Variants in KMT2C observed in about 807,000 individuals in gnomAD.
KMT2C encodes histone-lysine N-methyltransferase 2C.
KMT2C carries 88 observed loss-of-function variants against 507.9 expected under a neutral mutation model. The observed-to-expected ratio is 0.17, with a 90% CI of 0.15 to 0.21. KMT2C has a LOEUF of 0.21. Among genes scored for constraint, KMT2C ranks in the 10% least tolerant of loss-of-function variants. The pLI, the probability that KMT2C is intolerant of heterozygous loss-of-function variation, is 1.00. For missense variants in KMT2C, 4,954 were observed against 5,957.8 expected (o/e 0.83, Z 5.55); for synonymous variants, 2,049 against 2,080.8 (o/e 0.98, Z 0.42).
chr7:152,396,102 A>G (rs1004251470), intron 1 of KMT2C, among the ~76,000 whole-genome samples: 2 of 152,190 alleles, frequency 1.3e-5, no homozygotes, highest in African/African-American at 4.8e-5. Context: ...TGGGATTTGA[A>G]CATAGGCAGT....
At chr7:152,206,891 C>T (rs1206097002) in intron 24 of KMT2C, among the ~76,000 whole-genome samples, 2 of 152,112 alleles carry the variant, frequency 1.3e-5, no homozygotes, top group Admixed American at 6.5e-5. Context: ...CTTACTGGCA[C>T]TCCTGCATAA....
rs761822716 is a variant in KMT2C, at chr7:152,185,539, G to A, written c.5082+19C>T. The A allele has an allele frequency of 9.9e-6, 7 of 710,000 alleles. No individual in the cohort carries two copies. In the African/African-American group the frequency reaches 1.1e-4, roughly 12 times the overall value. 44.0% of individuals were successfully genotyped at this position (710,000 alleles called of 1,614,324 possible). A position where few individuals can be genotyped will look rare whatever the true frequency, so the allele number is the denominator to read the frequency against. ...ACTGTATTTAAATATTTAAAAGATA[G>A]AGGAGTTTCTTAAAATACCACATAT... is the stretch of plus-strand genomic sequence containing the variant. On this transcript the variant is annotated intron_variant, in intron 34 of 58. Transcript: ENST00000262189.
At chr7:152,255,455 T>G (rs1254556898) in intron 9 of KMT2C, among the ~76,000 whole-genome samples, 2 of 151,914 alleles carry the variant, frequency 1.3e-5, no homozygotes, top group African/African-American at 4.8e-5. Flanking sequence ...TGTGAGCCAC[T>G]GCACCCAGAC....
intron 2 of KMT2C, among the ~76,000 whole-genome samples, chr7:152,340,229 C>A (rs1328887164): frequency 1.3e-5 from 2 of 149,878 alleles, no homozygotes; most frequent in Admixed American, 6.7e-5. Context: ...CTCCAGTTAT[C>A]CTCCCACCTC....
intron 40 of KMT2C, 22 bp downstream of exon 40, chr7:152,171,242 G>A (rs760815955): frequency 6.5e-7 from 1 of 1,536,798 alleles, no homozygotes; most frequent in Admixed American, 1.8e-5. Flanking sequence ...ATTCTAGAGG[G>A]ACTCATTACA....
At chr7:152,297,059 G>GACAGAAAGAAAGAA (rs1563767704) in intron 6 of KMT2C, among the ~76,000 whole-genome samples, 10 of 64,396 alleles carry the variant, frequency 1.6e-4, no homozygotes, top group African/African-American at 5.2e-4. Flanking sequence ...GAAAGACAGA[G>GACAGAAAGAAAGAA]AGAGAGAGAG....
intron 23 of KMT2C, among the ~76,000 whole-genome samples, chr7:152,215,357 CA>C (rs1216352800): frequency 6.6e-6 from 1 of 150,826 alleles, no homozygotes; most frequent in East Asian, 1.9e-4. Context: ...ACTAAAAATA[CA>C]AAAAAATTAG....
intron 38 of KMT2C, among the ~76,000 whole-genome samples, chr7:152,175,651 G>T (rs1273347491): frequency 6.6e-6 from 1 of 152,088 alleles, no homozygotes; most frequent in Admixed American, 6.5e-5. Flanking sequence ...GGTTGGTCTG[G>T]AACTCCTGAG....
At chr7:152,258,535 T>C (rs2095701696) in intron 9 of KMT2C, among the ~76,000 whole-genome samples, 1 of 152,066 alleles carries the variant, frequency 6.6e-6, no homozygotes, top group Non-Finnish European at 1.5e-5. Flanking sequence ...GTTGTTGTTG[T>C]TGTTTTTGAG....
chr7:152,218,732 A>G (rs1017595150), intron 23 of KMT2C, among the ~76,000 whole-genome samples: 1 of 151,776 alleles, frequency 6.6e-6, no homozygotes, highest in Non-Finnish European at 1.5e-5. Context: ...TTGTCCTCAC[A>G]TCTCTAATCT....
intron 6 of KMT2C, among the ~76,000 whole-genome samples, chr7:152,283,528 A>C (rs1946305957): frequency 6.6e-6 from 1 of 152,190 alleles, no homozygotes; most frequent in Non-Finnish European, 1.5e-5. Context: ...CAGCTTCTTA[A>C]AAGTTTTATT....
chr7:152,364,483 C>A (rs1357155002), intron 1 of KMT2C, among the ~76,000 whole-genome samples: 1 of 151,892 alleles, frequency 6.6e-6, no homozygotes, highest in Non-Finnish European at 1.5e-5. Context: ...GTGGCAGGTG[C>A]CTGTAGTCCT....
At chr7:152,381,615 A>G (rs62495484) in intron 1 of KMT2C, among the ~76,000 whole-genome samples, 286 of 140,232 alleles carry the variant, frequency 2.0e-3, no homozygotes, top group Non-Finnish European at 3.0e-3. Flanking sequence ...CTTAAGAAAT[A>G]TAACACCATT....
At position 152,177,737 on chromosome 7, in the gene KMT2C, C is replaced by G. The variant is rs139823098; in HGVS notation, c.7716G>C (p.Leu2572=). 1 of 1,614,084 alleles carries G rather than the reference C, an allele frequency of 6.2e-7. No homozygotes were observed. Among genetic ancestry groups the G allele is most frequent in the African/African-American group, 1.3e-5 (1 of 75,008 alleles). Residue 2572 remains leucine, a synonymous_variant, in exon 38 of 59, where the codon CTG becomes CTC. Coordinates refer to ENST00000262189, the MANE Select transcript of KMT2C (RefSeq NM_170606.3). ...CGCTGCCAGGTGGAGCACTGAAAGG[C>G]AGCCGTTGCCTTCCGTCAGGAGCCC... is the stretch of plus-strand genomic sequence containing the variant. The part of the protein sequence containing the change: ...RHRAPDGRQR[L]PFSAPPGSVV...
At chr7:152,425,968 T>A (rs1470995242) in intron 1 of KMT2C, among the ~76,000 whole-genome samples, 1 of 152,178 alleles carries the variant, frequency 6.6e-6, no homozygotes, top group Non-Finnish European at 1.5e-5. Flanking sequence ...AGTTATAATA[T>A]GTAAAAATCT....
At chr7:152,309,929 T>A in intron 6 of KMT2C, 37 bp downstream of exon 6, 1 of 1,299,658 alleles carries the variant, frequency 7.7e-7, no homozygotes, top group Non-Finnish European at 1.1e-6. Context: ...GTGAATGTTA[T>A]AAAACTATGA....
chr7:152,360,007 C>T (rs1439128086), intron 1 of KMT2C, among the ~76,000 whole-genome samples: 1 of 124,132 alleles, frequency 8.1e-6, no homozygotes, highest in Non-Finnish European at 1.6e-5. Flanking sequence ...TGATATCATG[C>T]CACTGCACTC....
At chr7:152,336,446 G>A (rs374366306) in intron 2 of KMT2C, among the ~76,000 whole-genome samples, 1 of 152,014 alleles carries the variant, frequency 6.6e-6, no homozygotes. Context: ...TGTCAACCAG[G>A]GATCCAACCA....
chr7:152,357,144 A>C (rs1205958850), intron 2 of KMT2C, among the ~76,000 whole-genome samples: 1 of 151,270 alleles, frequency 6.6e-6, no homozygotes, highest in East Asian at 2.0e-4. Context: ...GGAGAACTGC[A>C]TGAGCCCGGC....
Sources: gnomAD v4.1 joint callset for allele counts (sites outside exome capture counted in the v4.1 genomes callset) on GRCh38, gnomAD v4.1.1 for gene constraint, MANE v1.5 for transcripts, NCBI Gene and HGNC (gene_info 2026-07-23, HGNC 2026-07-21) for gene names.